The following PLCE1 variants were observed in gnomAD, a reference collection of about 807,000 sequenced individuals.
PLCE1 encodes 1-phosphatidylinositol 4,5-bisphosphate phosphodiesterase epsilon-1.
Under a neutral mutation model 242.8 loss-of-function variants are expected in PLCE1, and 119 were observed. The ratio of observed to expected loss-of-function variants is 0.49; its 90% CI spans 0.42 to 0.57. The LOEUF is 0.57. Ranked by LOEUF, PLCE1 falls within the 20% of genes least tolerant of loss-of-function variation. The pLI is 0.00. For missense variants in PLCE1, 2,441 were observed against 2,788.8 expected, an observed-to-expected ratio of 0.88 and a Z score of 2.81; for synonymous variants, 945 against 1,017.4, an observed-to-expected ratio of 0.93 and a Z score of 1.35.
At chr10:94,222,179 A>G (rs1326868219) in intron 4 of PLCE1, among the ~76,000 whole-genome samples, 1 of 152,192 alleles carries the variant, frequency 6.6e-6, no homozygotes, top group Non-Finnish European at 1.5e-5. Flanking sequence ...CACAAATATA[A>G]CAAAAATAAA....
At chr10:94,061,891 C>G (rs1483137397) in intron 2 of PLCE1, among the ~76,000 whole-genome samples, 1 of 152,178 alleles carries the variant, frequency 6.6e-6, no homozygotes, top group African/African-American at 2.4e-5. Context: ...AGTCAGCAAC[C>G]TGAGTTAGAC....
At chr10:94,255,914 A>ACACTCTCTCTCTCTCTCTCT (rs1284531207) in intron 11 of PLCE1, among the ~76,000 whole-genome samples, 5 of 67,282 alleles carry the variant, frequency 7.4e-5, no homozygotes, top group Non-Finnish European at 1.1e-4. Context: ...ACACACACAC[A>ACACTCTCTCTCTCTCTCTCT]CTCTCTCTCT....
chr10:94,181,384 A>G (rs1321528771), intron 4 of PLCE1, among the ~76,000 whole-genome samples: 1 of 152,110 alleles, frequency 6.6e-6, no homozygotes, highest in African/African-American at 2.4e-5. Flanking sequence ...CATCCTGGCC[A>G]AAATGGTGAA....
intron 2 of PLCE1, among the ~76,000 whole-genome samples, chr10:94,055,806 C>T (rs1022812307): frequency 6.6e-6 from 1 of 152,102 alleles, no homozygotes; most frequent in African/African-American, 2.4e-5. Flanking sequence ...TAATGAGTAA[C>T]AAATTTATGG....
At chr10:94,179,530 T>TTTTTTTTTTTTTTTTTTTTGA (rs10636243) in intron 4 of PLCE1, among the ~76,000 whole-genome samples, 6 of 118,822 alleles carry the variant, frequency 5.0e-5, no homozygotes, top group East Asian at 2.6e-4. Flanking sequence ...TTTTTTTTTT[T>TTTTTTTTTTTTTTTTTTTTGA]GACAGGGTCT....
chr10:94,278,090 G>A (rs980197494), intron 19 of PLCE1, among the ~76,000 whole-genome samples: 1 of 152,048 alleles, frequency 6.6e-6, no homozygotes, highest in Admixed American at 6.6e-5. Flanking sequence ...TCTGGATATG[G>A]ACACAGCCTA....
At chr10:94,159,629 T>A (rs534522138) in intron 3 of PLCE1, among the ~76,000 whole-genome samples, 238 of 152,348 alleles carry the variant, frequency 1.6e-3, no homozygotes, top group Non-Finnish European at 5.0e-4. Flanking sequence ...TAACTTTTTT[T>A]AAATATGCTT....
chr10:94,199,080 G>A (rs956820711), intron 4 of PLCE1, among the ~76,000 whole-genome samples: 4 of 152,016 alleles, frequency 2.6e-5, no homozygotes, highest in African/African-American at 9.7e-5. Flanking sequence ...ATCCCTCAGT[G>A]TTACTGTATG....
intron 8 of PLCE1, 98 bp from the exon 9 acceptor site, chr10:94,252,218 G>A (rs1223376977): frequency 2.8e-6 from 3 of 1,053,748 alleles, no homozygotes; most frequent in Non-Finnish European, 1.5e-6. Flanking sequence ...GGCCGTCTGT[G>A]CTCTTCCACC....
At chr10:94,088,932 A>G in intron 2 of PLCE1, 2 of 592,940 alleles carry the variant, frequency 3.4e-6, no homozygotes, top group Non-Finnish European at 5.4e-6. Flanking sequence ...GTTATGTTTC[A>G]CAGAGGTTTT....
rs78441465 is a variant in PLCE1, at chr10:94,170,692, C to G, written c.1493-488C>G. 4.2e-3 allele frequency among the ~76,000 whole-genome samples: 636 copies of G among 152,264 alleles called. 4 individuals are homozygous for G. The highest frequency in any genetic ancestry group is 0.013 in the African/African-American group (548 of 41,548). On this transcript the variant is annotated intron_variant, in intron 3 of 32. Coordinates refer to ENST00000371380, the MANE Select transcript of PLCE1 (RefSeq NM_016341.4). ...AGAGAATACCATGACATTTTGAAACCTTTTGTCCAGAGAGTCCTTGGGTCC... is the reference window on the plus strand; with the variant it reads ...AGAGAATACCATGACATTTTGAAACGTTTTGTCCAGAGAGTCCTTGGGTCC...
At chr10:94,163,878 C>G (rs2047702938) in intron 3 of PLCE1, among the ~76,000 whole-genome samples, 1 of 152,046 alleles carries the variant, frequency 6.6e-6, no homozygotes, top group South Asian at 2.1e-4. Context: ...TTAGCATTTG[C>G]TTATCTGTAT....
chr10:94,043,525 G>A (rs1374358415), intron 2 of PLCE1, among the ~76,000 whole-genome samples: 1 of 152,184 alleles, frequency 6.6e-6, no homozygotes, highest in African/African-American at 2.4e-5. Flanking sequence ...AATAGTGAGT[G>A]TGATGTGCAT....
chr10:94,022,573 A>G lies in PLCE1; in HGVS notation c.-364-8110A>G, dbSNP rs1036081881. Among the ~76,000 whole-genome samples, 3 of 152,084 alleles carry G rather than the reference A, an allele frequency of 2.0e-5. No homozygotes were observed. The East Asian group carries it at 5.8e-4, about 29-fold the overall frequency. ...GAGTAGAAGCCTAAATATAGTTAAG[A>G]TGTTATTTTTCCCAGAATTGATATA... On this transcript the variant is annotated intron_variant, in intron 1 of 32. Coordinates refer to ENST00000371380, the MANE Select transcript of PLCE1 (RefSeq NM_016341.4).
chr10:94,268,904 G>T, intron 16 of PLCE1, 25 bp from the exon 17 acceptor site: 1 of 1,375,852 alleles, frequency 7.3e-7, no homozygotes, highest in African/African-American at 1.4e-5. Context: ...CTCACCTGGG[G>T]TGGATTCGCT....
intron 4 of PLCE1, among the ~76,000 whole-genome samples, chr10:94,183,506 C>T (rs1398011887): frequency 6.6e-6 from 1 of 152,206 alleles, no homozygotes; most frequent in African/African-American, 2.4e-5. Flanking sequence ...CCCAGTGCTG[C>T]TGCCCTCCCC....
chr10:94,101,100 G>A (rs1258908973), intron 2 of PLCE1, among the ~76,000 whole-genome samples: 1 of 152,144 alleles, frequency 6.6e-6, no homozygotes, highest in Non-Finnish European at 1.5e-5. Flanking sequence ...TATGGTCATT[G>A]TTTGTCAGAA....
At chr10:94,295,206 G>A (rs1040462198) in intron 23 of PLCE1, among the ~76,000 whole-genome samples, 13 of 151,988 alleles carry the variant, frequency 8.6e-5, no homozygotes, top group South Asian at 8.3e-4. Flanking sequence ...GTGAGCCACC[G>A]CGCCCGGCCA....
At chr10:94,207,665 T>C (rs1239505704) in intron 4 of PLCE1, among the ~76,000 whole-genome samples, 1 of 152,092 alleles carries the variant, frequency 6.6e-6, no homozygotes, top group Non-Finnish European at 1.5e-5. Flanking sequence ...TACCATTCTT[T>C]ACTAAAAAGA....
Sources: gnomAD v4.1 joint callset for allele counts (sites outside exome capture counted in the v4.1 genomes callset) on GRCh38, gnomAD v4.1.1 for gene constraint, MANE v1.5 for transcripts, NCBI Gene and HGNC (gene_info 2026-07-23, HGNC 2026-07-21) for gene names.